RBFOX1: variants seen among roughly 807,000 people sequenced by gnomAD.
The protein encoded by RBFOX1 is RNA binding protein fox-1 homolog 1.
RBFOX1 carries 8 observed loss-of-function variants against 57.7 expected under a neutral mutation model. The ratio of observed to expected loss-of-function variants is 0.14; its 90% CI spans 0.08 to 0.25. The LOEUF is 0.25. Ranked by LOEUF, RBFOX1 falls within the 10% of genes least tolerant of loss-of-function variation. RBFOX1 has a pLI of 1.00. For missense variants in RBFOX1, 611 were observed against 548.5 expected (o/e 1.11, Z -1.14); for synonymous variants, 326 against 222.4 (o/e 1.47, Z -4.15).
At chr16:5,774,994 A>G (rs1257783698) in intron 3 of RBFOX1, among the ~76,000 whole-genome samples, 3 of 152,162 alleles carry the variant, frequency 2.0e-5, no homozygotes, top group Non-Finnish European at 4.4e-5. Flanking sequence ...AGAGGATTTA[A>G]AATCAATTTT....
chr16:7,663,246 G>A (rs117424191), intron 12 of RBFOX1, among the ~76,000 whole-genome samples: 7 of 152,296 alleles, frequency 4.6e-5, no homozygotes, highest in Admixed American at 2.0e-4. Flanking sequence ...AGCTCAGGAC[G>A]ATGCACACCT....
chr16:7,428,571 A>G (rs1031392348), intron 4 of RBFOX1, among the ~76,000 whole-genome samples: 4 of 149,292 alleles, frequency 2.7e-5, no homozygotes, highest in Non-Finnish European at 5.9e-5. Flanking sequence ...GGGTTTTGCC[A>G]TGTTGGCCAG....
intron 3 of RBFOX1, among the ~76,000 whole-genome samples, chr16:6,678,820 C>G (rs2058172403): frequency 6.6e-6 from 1 of 152,034 alleles, no homozygotes; most frequent in African/African-American, 2.4e-5. Context: ...GCTTGTAACA[C>G]GGTTCATCCA....
chr16:6,512,283 C>CAGAAAAAA (rs1555514106), intron 2 of RBFOX1, among the ~76,000 whole-genome samples: 6 of 86,974 alleles, frequency 6.9e-5, no homozygotes, highest in Non-Finnish European at 1.2e-4. Context: ...GACCCTGTAT[C>CAGAAAAAA]AAAAAAAAAA....
chr16:5,286,306 C>A (rs1006202666), intron 1 of RBFOX1, among the ~76,000 whole-genome samples: 3 of 152,044 alleles, frequency 2.0e-5, no homozygotes, highest in African/African-American at 4.8e-5. Context: ...GGCAGGTGCA[C>A]CATTGGGCTC....
intron 5 of RBFOX1, among the ~76,000 whole-genome samples, chr16:7,536,593 C>CA (rs1237911230): frequency 6.6e-6 from 1 of 151,870 alleles, no homozygotes; most frequent in Non-Finnish European, 1.5e-5. Flanking sequence ...GACTTCGTCT[C>CA]AAAAAAATAA....
intron 4 of RBFOX1, among the ~76,000 whole-genome samples, chr16:7,221,872 C>A (rs1046101639): frequency 5.3e-5 from 8 of 152,172 alleles, no homozygotes; most frequent in African/African-American, 1.9e-4. Flanking sequence ...GATTTAACTT[C>A]ATAAATCCAC....
intron 3 of RBFOX1, among the ~76,000 whole-genome samples, chr16:6,842,759 C>A (rs779728232): frequency 6.6e-6 from 1 of 151,398 alleles, no homozygotes; most frequent in Non-Finnish European, 1.5e-5. Context: ...ACCTGTCAAC[C>A]CGTCATCTAG....
At chr16:6,628,528 A>G (rs937209373) in intron 2 of RBFOX1, among the ~76,000 whole-genome samples, 13 of 152,176 alleles carry the variant, frequency 8.5e-5, no homozygotes, top group African/African-American at 3.1e-4. Flanking sequence ...TCTCTTATAT[A>G]TCCATCACTT....
intron 4 of RBFOX1, among the ~76,000 whole-genome samples, chr16:7,086,137 A>G (rs2059947593): frequency 6.6e-6 from 1 of 152,134 alleles, no homozygotes; most frequent in African/African-American, 2.4e-5. Context: ...GGGACTACCT[A>G]TAGGCTATTT....
At chr16:7,462,397 A>G (rs2059747243) in intron 4 of RBFOX1, among the ~76,000 whole-genome samples, 1 of 152,218 alleles carries the variant, frequency 6.6e-6, no homozygotes, top group East Asian at 1.9e-4. Context: ...CAGGGGGCTG[A>G]GGAGAATCAC....
chr16:6,276,076 A>G (rs551630728), intron 1 of RBFOX1, among the ~76,000 whole-genome samples: 2 of 152,336 alleles, frequency 1.3e-5, no homozygotes, highest in African/African-American at 4.8e-5. Flanking sequence ...ATGGATATGA[A>G]GGGATTTAAC....
At chr16:7,139,156 C>G (rs1434279849) in intron 4 of RBFOX1, among the ~76,000 whole-genome samples, 1 of 148,502 alleles carries the variant, frequency 6.7e-6, no homozygotes, top group East Asian at 2.0e-4. Flanking sequence ...TTTTATAATG[C>G]AGATGAAATC....
chr16:6,702,496 G>A (rs1462538735), intron 3 of RBFOX1, among the ~76,000 whole-genome samples: 1 of 151,946 alleles, frequency 6.6e-6, no homozygotes, highest in Non-Finnish European at 1.5e-5. Context: ...AGAGGCTACA[G>A]TGAGCCAAGA....
intron 4 of RBFOX1, among the ~76,000 whole-genome samples, chr16:5,999,677 C>G (rs182056752): frequency 4.6e-5 from 7 of 151,780 alleles, no homozygotes; most frequent in Admixed American, 1.3e-4. Flanking sequence ...CTGGCTAACA[C>G]GGTGAAACCG....
intron 3 of RBFOX1, among the ~76,000 whole-genome samples, chr16:5,815,408 G>T (rs1006027452): frequency 2.0e-5 from 3 of 152,036 alleles, no homozygotes; most frequent in Admixed American, 6.5e-5. Flanking sequence ...CCTGACTTCA[G>T]ATCCCATGAT....
At chr16:7,445,758 C>G (rs117261428) in intron 4 of RBFOX1, among the ~76,000 whole-genome samples, 1 of 152,136 alleles carries the variant, frequency 6.6e-6, no homozygotes, top group Non-Finnish European at 1.5e-5. Context: ...ACGCGGGTGA[C>G]GTTTGGAGAT....
At chr16:7,125,524 T>C (rs2068283644) in intron 4 of RBFOX1, among the ~76,000 whole-genome samples, 3 of 152,210 alleles carry the variant, frequency 2.0e-5, no homozygotes, top group African/African-American at 7.2e-5. Flanking sequence ...AAAATATGGT[T>C]AACACACATT....
At chr16:6,484,550 A>G (rs1428624465) in intron 2 of RBFOX1, among the ~76,000 whole-genome samples, 1 of 152,206 alleles carries the variant, frequency 6.6e-6, no homozygotes, top group African/African-American at 2.4e-5. Flanking sequence ...TTATGCATTT[A>G]TAGAATATAT....
Sources: gnomAD v4.1 joint callset for allele counts (sites outside exome capture counted in the v4.1 genomes callset) on GRCh38, gnomAD v4.1.1 for gene constraint, MANE v1.5 for transcripts, NCBI Gene and HGNC (gene_info 2026-07-23, HGNC 2026-07-21) for gene names.